The following NUP85 variants were observed in gnomAD, a reference collection of about 807,000 sequenced individuals.
The protein encoded by NUP85 is nucleoporin 85.
A neutral mutation model predicts 92.8 loss-of-function variants in NUP85; 23 were observed. The observed-to-expected ratio is 0.25, with a 90% confidence interval of 0.18 to 0.35. The LOEUF (loss-of-function observed/expected upper bound fraction) is 0.35. Ranked by LOEUF, NUP85 falls within the 10% of genes least tolerant of loss-of-function variation. The pLI is 1.00. For synonymous variants in NUP85, 314 were observed against 306.9 expected (o/e 1.02, Z -0.24); for missense variants, 759 against 822.8 (o/e 0.92, Z 0.95).
In NUP85 at chr17:75,231,878, G is replaced by A. The variant is rs754664084; in HGVS notation, c.1295G>A (p.Arg432Gln). Residue 432 changes from arginine (R) to glutamine (Q), a missense_variant, in exon 14 of 19, where the codon CGA becomes CAA. Physicochemically the swap from Arg to Gln is conservative, Grantham distance 43. Transcript: ENST00000245544. This position sits in a 1 kb window ranked among gnomAD's most constrained non-coding sequence, Gnocchi z 4.6. ...TTTGATTACTGCCCCGAGCTGGGCCGAGTCTCCCTGGAGCTGCACATTGAG... is the reference window on the plus strand; with the variant it reads ...TTTGATTACTGCCCCGAGCTGGGCCAAGTCTCCCTGGAGCTGCACATTGAG... ...DYFDYCPELG[R>Q]VSLELHIERI... 1.2e-6 allele frequency: 2 copies of A among 1,614,208 alleles called. No individual in the cohort carries two copies. The highest frequency in any genetic ancestry group is 1.7e-6 in the Non-Finnish European group (2 of 1,180,016).
At position 75,235,157 on chromosome 17, in the gene NUP85, T is replaced by C; in HGVS notation, c.1825T>C (p.Ser609Pro). 6.2e-7 allele frequency: 1 copy of C among 1,614,142 alleles called. No homozygotes were observed. The highest frequency in any genetic ancestry group is 8.5e-7 in the Non-Finnish European group (1 of 1,179,992). Reference protein sequence around the residue: ...ELMRCLEDLTSRRPVHGESDT... With the variant: ...ELMRCLEDLTPRRPVHGESDT... ...GATGCGGTGTCTGGAGGACTTGACG[T>C]CAAGAAGACCTGTGCATGGAGAATC... The change falls in exon 18 of 19, where the codon TCA becomes CCA. Residue 609 changes from serine (S) to proline (P), a missense_variant. Physicochemically the swap from Ser to Pro is moderately conservative, Grantham distance 74 (BLOSUM62 -1). Coordinates refer to ENST00000245544, the MANE Select transcript of NUP85 (RefSeq NM_024844.5).
chr17:75,224,598 C>T lies in NUP85; in HGVS notation c.598-505C>T, dbSNP rs186278228. 3.3e-5 allele frequency among the ~76,000 whole-genome samples: 5 copies of T among 151,990 alleles called. No individual in the cohort carries two copies. In the East Asian group the frequency reaches 5.9e-4, roughly 18 times the overall value. ...CTGTAATCCCAACACTTTGGGAGGC[C>T]GAGGCGGGGAATCACTTGAGGTCAG... On this transcript the variant is annotated intron_variant, in intron 7 of 18. Transcript: ENST00000245544.
intron 18 of NUP85, 63 bp from the exon 19 acceptor site, chr17:75,235,515 C>T (rs749230666): frequency 4.2e-6 from 5 of 1,198,990 alleles, no homozygotes; most frequent in Non-Finnish European, 6.2e-6. Context: ...TAGCTAGACC[C>T]TTCGGGAGTG....
chr17:75,223,914 TTGATG>T (rs1446269302), intron 7 of NUP85, among the ~76,000 whole-genome samples: 1 of 152,208 alleles, frequency 6.6e-6, no homozygotes, highest in South Asian at 2.1e-4. Context: ...CAGTTTCAGC[TTGATG>T]TGATAAGATG....
intron 16 of NUP85, among the ~76,000 whole-genome samples, chr17:75,233,741 G>A (rs1568096874): frequency 2.0e-5 from 3 of 152,066 alleles, no homozygotes; most frequent in Non-Finnish European, 1.5e-5. Context: ...TGGGACTACA[G>A]GCGCACGCCA....
In NUP85 at chr17:75,207,174, T is replaced by TA. The variant is rs1461773733; in HGVS notation, c.34-1352dup. On this transcript the variant is annotated intron_variant, in intron 1 of 18. Transcript: ENST00000245544. ...TTGTGAGGGAAGCTCTCTGGGGAGATATGTGGCCTTCTTTTTTTTTTCTCT... is the reference window on the plus strand; with the variant it reads ...TTGTGAGGGAAGCTCTCTGGGGAGATAATGTGGCCTTCTTTTTTTTTTCTCT... Among the ~76,000 whole-genome samples, 8 of 151,394 alleles carry TA rather than the reference T, an allele frequency of 5.3e-5. No individual in the cohort carries two copies. The East Asian group carries it at 1.6e-3, about 30-fold the overall frequency.
chr17:75,222,728 A>G (rs1246076314), intron 7 of NUP85, among the ~76,000 whole-genome samples: 3 of 151,948 alleles, frequency 2.0e-5, no homozygotes, highest in Non-Finnish European at 4.4e-5. Flanking sequence ...TTGACATAAT[A>G]TTGTTGAATC....
At chr17:75,214,596 C>T (rs2075371358) in intron 5 of NUP85, among the ~76,000 whole-genome samples, 1 of 152,160 alleles carries the variant, frequency 6.6e-6, no homozygotes, top group Admixed American at 6.6e-5. Flanking sequence ...CAGTGGCTCA[C>T]GCCTGTAATC....
At chr17:75,208,721 T>A in intron 2 of NUP85, 101 bp downstream of exon 2, 1 of 756,336 alleles carries the variant, frequency 1.3e-6, no homozygotes, top group South Asian at 1.5e-5. Flanking sequence ...ACAGTTGAAT[T>A]TATTTTGTAC....
chr17:75,205,700 G>C lies in NUP85; in HGVS notation c.-62G>C, dbSNP rs920356148. Reference sequence around the variant, plus strand: ...TCTTGTCTCGCAGCCAGCTCTGAGCGGGAGGCCTGAGCGGGAAGCATTGGC... The same window carrying C: ...TCTTGTCTCGCAGCCAGCTCTGAGCCGGAGGCCTGAGCGGGAAGCATTGGC... On this transcript the variant is annotated 5_prime_UTR_variant, in exon 1 of 19. Transcript: ENST00000245544. 50 of 1,600,864 alleles carry C rather than the reference G, an allele frequency of 3.1e-5. No individual in the cohort carries two copies. The highest frequency in any genetic ancestry group is 4.1e-5 in the Non-Finnish European group (48 of 1,168,234).
At chr17:75,233,205 G>A in intron 16 of NUP85, 47 bp downstream of exon 16, 1 of 1,513,886 alleles carries the variant, frequency 6.6e-7, no homozygotes. Context: ...CAAGTGGGTA[G>A]TTGGGGAGGT....
At chr17:75,229,091 C>G (rs1035376405) in intron 11 of NUP85, 1 of 985,356 alleles carries the variant, frequency 1.0e-6, no homozygotes, top group Admixed American at 6.1e-5. Context: ...TCGGCAGTTT[C>G]CTGGTGCCCT....
chr17:75,232,890 G>A lies in NUP85; in HGVS notation c.1436G>A (p.Arg479His), dbSNP rs757597966. ...ICKILAMKAV[R>H]NNRLGSALSW... ...AAGATCTTAGCCATGAAAGCCGTCC[G>A]CAACAATCGCCTGGGTTCTGCCCTC... Residue 479 changes from arginine (R) to histidine (H), a missense_variant, in exon 15 of 19, where the codon CGC becomes CAC. Arg to His is a conservative substitution (Grantham distance 29, BLOSUM62 0). Transcript: ENST00000245544. The A allele has an allele frequency of 2.5e-6, 4 of 1,614,194 alleles. No individual in the cohort carries two copies. The highest frequency in any genetic ancestry group is 1.1e-5 in the South Asian group (1 of 91,086).
At chr17:75,225,648 A>G (rs748449392) in intron 9 of NUP85, 50 bp from the exon 10 acceptor site, 7 of 1,607,902 alleles carry the variant, frequency 4.4e-6, no homozygotes, top group Non-Finnish European at 8.5e-7. Flanking sequence ...CATTATGGAG[A>G]AGGTACCCCT....
chr17:75,210,987 C>T (rs2075240952), intron 3 of NUP85, among the ~76,000 whole-genome samples: 1 of 140,616 alleles, frequency 7.1e-6, no homozygotes, highest in Non-Finnish European at 1.5e-5. Flanking sequence ...AGACGTGAGC[C>T]ACTGTGCCTG....
chr17:75,231,179 T>C lies in NUP85; in HGVS notation c.1095-161T>C, dbSNP rs1598342631. ...CCTGGACTCAGGTGATCTGCCTGCCTTGGCCTCCCAAAGTACTGGGATCAC... is the reference window on the plus strand; with the variant it reads ...CCTGGACTCAGGTGATCTGCCTGCCCTGGCCTCCCAAAGTACTGGGATCAC... On this transcript the variant is annotated intron_variant, in intron 11 of 18. Transcript: ENST00000245544. This position sits in a 1 kb window ranked among gnomAD's most constrained non-coding sequence, Gnocchi z 4.6. 1 of 695,198 alleles carries C rather than the reference T, an allele frequency of 1.4e-6. No homozygotes were observed. The highest frequency in any genetic ancestry group is 1.7e-5 in the South Asian group (1 of 59,152). The allele number at this position is 695,198 out of a possible 1,614,324, so 43.1% of individuals were successfully genotyped here.
At position 75,233,410 on chromosome 17, in the gene NUP85, TTTCTTTC is replaced by T. The variant is rs767828895; in HGVS notation, c.1615+259_1615+265del. Among the ~76,000 whole-genome samples, 679 of 144,206 alleles carry T rather than the reference TTTCTTTC, an allele frequency of 4.7e-3. 5 individuals carry two copies. The highest frequency in any genetic ancestry group is 8.3e-3 in the Non-Finnish European group (555 of 67,252). 94.6% of individuals were successfully genotyped at this position (144,206 alleles called of 152,430 possible). A position where few individuals can be genotyped will look rare whatever the true frequency, so the allele number is the denominator to read the frequency against. On this transcript the variant is annotated intron_variant, in intron 16 of 18. Transcript: ENST00000245544. ...TTCTTTCTCTTTCTCTTTCTCTTTC[TTTCTTTC>T]TTCTTTTCTTTTATTTTTTCTTTTT...
intron 11 of NUP85, among the ~76,000 whole-genome samples, chr17:75,230,368 T>TG (rs1403983342): frequency 1.7e-4 from 25 of 151,264 alleles, no homozygotes; most frequent in African/African-American, 4.1e-4. Context: ...TTTTGTTTTT[T>TG]TTTTTTTTTG....
intron 2 of NUP85, among the ~76,000 whole-genome samples, chr17:75,209,321 C>T (rs2075184829): frequency 1.3e-5 from 2 of 152,108 alleles, no homozygotes; most frequent in Non-Finnish European, 2.9e-5. Flanking sequence ...TTGTCCTTGG[C>T]TTGATTTTCC....
Sources: allele counts gnomAD v4.1 joint callset (sites outside exome capture counted in the v4.1 genomes callset), GRCh38; gene constraint gnomAD v4.1.1; non-coding constraint Gnocchi (gnomAD v3.1); transcripts MANE v1.5; gene names NCBI Gene and HGNC (gene_info 2026-07-23, HGNC 2026-07-21).